The following LRRIQ1 variants were observed in gnomAD, a reference collection of about 807,000 sequenced individuals.
The protein encoded by LRRIQ1 is leucine rich repeats and IQ motif containing 1, also known as leucine-rich repeat- and IQ domain-containing protein 1.
Under a neutral mutation model 211.9 loss-of-function variants are expected in LRRIQ1, and 210 were observed. The observed-to-expected ratio is 0.99, with a 90% CI of 0.89 to 1.11. The LOEUF (loss-of-function observed/expected upper bound fraction) is 1.11, where lower values mean the gene tolerates loss of function less well. Ranked by LOEUF, LRRIQ1 falls within the 50% of genes most tolerant of loss-of-function variation. The probability of loss-of-function intolerance (pLI) is 0.00; values close to 1 mark genes in which losing one functional copy is unlikely to be tolerated. For missense variants in LRRIQ1, 2,136 were observed against 1,939.5 expected, an observed-to-expected ratio of 1.10 and a Z score of -1.90; for synonymous variants, 699 against 650.1, an observed-to-expected ratio of 1.08 and a Z score of -1.14.
chr12:85,080,542 C>A (rs1265192143), intron 11 of LRRIQ1, among the ~76,000 whole-genome samples: 1 of 151,272 alleles, frequency 6.6e-6, no homozygotes, highest in Non-Finnish European at 1.5e-5. Context: ...CCATGTATTT[C>A]TCTGGATATT....
chr12:85,265,360 T>C (rs1415845261), downstream of LRRIQ1, among the ~76,000 whole-genome samples: 1 of 152,028 alleles, frequency 6.6e-6, no homozygotes, highest in Non-Finnish European at 1.5e-5. Context: ...ATAATTAATA[T>C]ATTTTAATTT....
intron 24 of LRRIQ1, among the ~76,000 whole-genome samples, chr12:85,206,523 T>A (rs1893555065): frequency 6.6e-6 from 1 of 152,146 alleles, no homozygotes; most frequent in African/African-American, 2.4e-5. Context: ...CACACCCACA[T>A]GCAGGAAGTA....
chr12:85,138,020 T>C, intron 19 of LRRIQ1, 51 bp downstream of exon 19: 3 of 1,073,760 alleles, frequency 2.8e-6, no homozygotes, highest in Non-Finnish European at 4.0e-6. Flanking sequence ...ACATTAAGTG[T>C]ACTATTTTGA....
intron 18 of LRRIQ1, 111 bp from the exon 19 acceptor site, chr12:85,137,739 G>T: frequency 1.2e-6 from 1 of 822,728 alleles, no homozygotes; most frequent in Non-Finnish European, 1.8e-6. Context: ...AGATTATTGT[G>T]TCATTAAACT....
chr12:85,157,836 C>G (rs1243256637), intron 23 of LRRIQ1, among the ~76,000 whole-genome samples: 1 of 151,448 alleles, frequency 6.6e-6, no homozygotes, highest in Non-Finnish European at 1.5e-5. Flanking sequence ...GTACGAAGAC[C>G]TAACATGGAT....
intron 11 of LRRIQ1, among the ~76,000 whole-genome samples, chr12:85,097,232 G>A (rs574159788): frequency 2.8e-4 from 42 of 152,160 alleles, no homozygotes; most frequent in Non-Finnish European, 3.8e-4. Context: ...CTTTCTGCAT[G>A]CTTAACAGGA....
intron 24 of LRRIQ1, among the ~76,000 whole-genome samples, chr12:85,217,746 T>TAACTGTGTGTATATATATGTAATGC (rs1894222014): frequency 9.4e-6 from 1 of 105,984 alleles, no homozygotes; most frequent in African/African-American, 1.3e-4. Context: ...ATATGTAATG[T>TAACTGTGTGTATATATATGTAATGC]GTGTGTATAT....
intron 24 of LRRIQ1, among the ~76,000 whole-genome samples, chr12:85,211,996 G>C (rs150509395): frequency 1.3e-5 from 2 of 152,162 alleles, no homozygotes; most frequent in Non-Finnish European, 2.9e-5. Context: ...GCCAAGCATG[G>C]TGGTTCACAC....
intron 24 of LRRIQ1, among the ~76,000 whole-genome samples, chr12:85,191,704 G>T (rs932011268): frequency 6.6e-6 from 1 of 151,972 alleles, no homozygotes; most frequent in Non-Finnish European, 1.5e-5. Flanking sequence ...TGTATGGCAA[G>T]AGTGTGTTTA....
At chr12:85,262,327 T>A (rs998089784) in intron 1 of LRRIQ1, among the ~76,000 whole-genome samples, 14 of 152,120 alleles carry the variant, frequency 9.2e-5, no homozygotes, top group Non-Finnish European at 1.9e-4. Context: ...GATGTGCATA[T>A]ATTATTTCTC....
chr12:85,089,115 A>G (rs893247238), intron 11 of LRRIQ1, among the ~76,000 whole-genome samples: 1 of 152,192 alleles, frequency 6.6e-6, no homozygotes, highest in African/African-American at 2.4e-5. Flanking sequence ...GATACGTCCC[A>G]TCAATACCTA....
At chr12:85,254,602 A>T (rs918356008) in intron 1 of LRRIQ1, among the ~76,000 whole-genome samples, 2 of 152,104 alleles carry the variant, frequency 1.3e-5, no homozygotes, top group Non-Finnish European at 1.5e-5. Flanking sequence ...GTTTTGTTTC[A>T]TCTCTCCACT....
At chr12:85,155,809 A>C (rs993733884) in intron 23 of LRRIQ1, among the ~76,000 whole-genome samples, 2 of 151,686 alleles carry the variant, frequency 1.3e-5, no homozygotes, top group Non-Finnish European at 3.0e-5. Context: ...TTTCTTGCCA[A>C]CTCTTGTAAT....
intron 24 of LRRIQ1, among the ~76,000 whole-genome samples, chr12:85,202,480 A>G (rs1893345563): frequency 6.6e-6 from 1 of 152,188 alleles, no homozygotes; most frequent in Non-Finnish European, 1.5e-5. Context: ...TAGTGTGCAT[A>G]TATATTTAGG....
chr12:85,097,323 C>T (rs992387717), intron 11 of LRRIQ1, among the ~76,000 whole-genome samples: 1 of 152,026 alleles, frequency 6.6e-6, no homozygotes, highest in South Asian at 2.1e-4. Context: ...CACATGGTGG[C>T]AGGAGAGAGA....
chr12:85,233,605 A>G lies in LRRIQ1; in HGVS notation c.5016+849A>G, dbSNP rs183753516. Among the ~76,000 whole-genome samples, 129 of 152,336 alleles carry G rather than the reference A, an allele frequency of 8.5e-4. 2 individuals are homozygous for G. Among genetic ancestry groups the G allele is most frequent in the Admixed American group, 7.2e-4 (11 of 15,296 alleles). On this transcript the variant is annotated intron_variant, in intron 26 of 26. Transcript: ENST00000393217. ...GTATTATGATTTCCAGACCAGTTAT[A>G]TTCATCATTTTCATGAACAACTCAT...
In LRRIQ1 at chr12:85,056,873, A is replaced by G. The variant is rs558000804; in HGVS notation, c.2080A>G (p.Ser694Gly). ...CEGLSNYNAE[S>G]SMVSKEVNSL... ...GGGCTTGAGTAACTATAATGCAGAAAGCTCCATGGTATCTAAAGAAGTCAA... is the reference window on the plus strand; with the variant it reads ...GGGCTTGAGTAACTATAATGCAGAAGGCTCCATGGTATCTAAAGAAGTCAA... Residue 694 changes from serine (S) to glycine (G), a missense_variant, in exon 8 of 27, where the codon AGC becomes GGC. Coordinates refer to ENST00000393217, the MANE Select transcript of LRRIQ1 (RefSeq NM_001079910.2). 147 of 1,613,486 alleles carry G rather than the reference A, an allele frequency of 9.1e-5. 3 individuals are homozygous for G. In the South Asian group the frequency reaches 1.4e-3, roughly 15 times the overall value.
intron 24 of LRRIQ1, among the ~76,000 whole-genome samples, chr12:85,166,881 T>C (rs902374699): frequency 2.0e-5 from 3 of 152,230 alleles, no homozygotes; most frequent in Non-Finnish European, 4.4e-5. Context: ...TTTGAATTAC[T>C]GTTTTCCTAC....
At chr12:85,250,887 A>AAT (rs1895904831) in intron 1 of LRRIQ1, among the ~76,000 whole-genome samples, 1 of 94,786 alleles carries the variant, frequency 1.1e-5, no homozygotes, top group Admixed American at 1.6e-4. Context: ...TATTATATAT[A>AAT]ATATATTTTA....
Sources: allele counts gnomAD v4.1 joint callset (sites outside exome capture counted in the v4.1 genomes callset), GRCh38; gene constraint gnomAD v4.1.1; transcripts MANE v1.5; gene names NCBI Gene and HGNC (gene_info 2026-07-23, HGNC 2026-07-21).